The following URI1 variants were observed in gnomAD, a reference collection of about 807,000 sequenced individuals.
URI1 encodes the protein unconventional prefoldin RPB5 interactor 1.
URI1 carries 39 observed loss-of-function variants against 60.2 expected under a neutral mutation model. That is an observed-to-expected ratio of 0.65 (90% CI 0.50 to 0.85). URI1 has a LOEUF of 0.85. Among genes scored for constraint, URI1 ranks in the 40% least tolerant of loss-of-function variants. The pLI, the probability that URI1 is intolerant of heterozygous loss-of-function variation, is 0.00. For synonymous variants in URI1, 251 were observed against 236.8 expected (o/e 1.06, Z -0.55); for missense variants, 691 against 665.9 (o/e 1.04, Z -0.42).
chr19:29,937,537 G>C (rs544634451), upstream of URI1: 1 of 152,250 alleles, frequency 6.6e-6, no homozygotes, highest in Non-Finnish European at 1.5e-5. Context: ...GCTTGTTGAG[G>C]GTTGCAGCCA....
At chr19:29,998,834 CT>C (rs1366414015) in intron 4 of URI1, among the ~76,000 whole-genome samples, 1 of 151,838 alleles carries the variant, frequency 6.6e-6, no homozygotes, top group Non-Finnish European at 1.5e-5. Context: ...GGGGGAAAGA[CT>C]TTCGCTGTTT....
At chr19:29,924,846 A>AT (rs982151544) in intron 1 of URI1, among the ~76,000 whole-genome samples, 6 of 151,860 alleles carry the variant, frequency 4.0e-5, no homozygotes, top group Non-Finnish European at 8.8e-5. Flanking sequence ...TTAATTTTTA[A>AT]TTTTTTTTAG....
At chr19:29,982,394 T>G (rs989391435) in intron 2 of URI1, among the ~76,000 whole-genome samples, 1 of 128,888 alleles carries the variant, frequency 7.8e-6, no homozygotes, top group Non-Finnish European at 1.6e-5. Context: ...AAATAGATGT[T>G]TTTTGTGAGG....
At chr19:29,930,263 G>A (rs1021821804) in intron 1 of URI1, among the ~76,000 whole-genome samples, 4 of 152,060 alleles carry the variant, frequency 2.6e-5, no homozygotes, top group Non-Finnish European at 5.9e-5. Context: ...ATGCATAAAA[G>A]TTTTTAATTT....
At chr19:29,960,056 T>G (rs936912079) in intron 1 of URI1, among the ~76,000 whole-genome samples, 1 of 152,194 alleles carries the variant, frequency 6.6e-6, no homozygotes, top group African/African-American at 2.4e-5. Context: ...GTTTCTAATT[T>G]CTATTGTGAT....
chr19:29,963,460 T>C (rs1443895801), intron 1 of URI1, among the ~76,000 whole-genome samples: 1 of 152,206 alleles, frequency 6.6e-6, no homozygotes, highest in Non-Finnish European at 1.5e-5. Context: ...ATTTCAGTTC[T>C]CTAGTGAAAA....
intron 1 of URI1, among the ~76,000 whole-genome samples, chr19:29,935,135 A>G (rs1263013957): frequency 6.6e-6 from 1 of 152,136 alleles, no homozygotes; most frequent in Non-Finnish European, 1.5e-5. Context: ...AATAGATTTT[A>G]GTGTATCATT....
At chr19:29,925,025 G>A (rs1044932095) in intron 1 of URI1, among the ~76,000 whole-genome samples, 3 of 152,026 alleles carry the variant, frequency 2.0e-5, no homozygotes, top group South Asian at 2.1e-4. Context: ...TGGTAGAGAC[G>A]GGGTTTCACC....
chr19:29,948,086 A>G (rs2055124677), intron 1 of URI1, among the ~76,000 whole-genome samples: 1 of 152,212 alleles, frequency 6.6e-6, no homozygotes, highest in Non-Finnish European at 1.5e-5. Context: ...GTGACTGTGT[A>G]AGTAGATCAG....
intron 1 of URI1, among the ~76,000 whole-genome samples, chr19:29,966,431 C>T (rs964787767): frequency 6.6e-6 from 1 of 152,152 alleles, no homozygotes; most frequent in African/African-American, 2.4e-5. Context: ...CCACTCTGCT[C>T]AGGCTATGGT....
chr19:30,008,902 TTA>T, intron 7 of URI1, 101 bp from the exon 8 acceptor site: 1 of 910,572 alleles, frequency 1.1e-6, no homozygotes, highest in South Asian at 2.3e-5. Context: ...TAAAAATACT[TTA>T]TTCAAGATCT....
intron 7 of URI1, among the ~76,000 whole-genome samples, chr19:30,008,782 A>G (rs1047249845): frequency 6.6e-6 from 1 of 152,272 alleles, no homozygotes; most frequent in Non-Finnish European, 1.5e-5. Context: ...ATTATCTTCT[A>G]TATTCTACTT....
At chr19:30,002,216 A>G (rs570997962) in intron 4 of URI1, among the ~76,000 whole-genome samples, 52 of 152,148 alleles carry the variant, frequency 3.4e-4, no homozygotes, top group African/African-American at 1.2e-3. Flanking sequence ...TTTTTATTAC[A>G]TCTGCATTTC....
At chr19:30,007,972 A>AT (rs1478843026) in intron 7 of URI1, among the ~76,000 whole-genome samples, 1 of 152,094 alleles carries the variant, frequency 6.6e-6, no homozygotes, top group African/African-American at 2.4e-5. Context: ...ATAATGTTAA[A>AT]TTTTAAATGA....
At chr19:29,958,708 C>T (rs532269446) in intron 1 of URI1, among the ~76,000 whole-genome samples, 2 of 151,318 alleles carry the variant, frequency 1.3e-5, no homozygotes, top group South Asian at 4.2e-4. Context: ...ACCTGTAATC[C>T]CAGCACTTTG....
At chr19:29,960,521 T>C (rs2055309248) in intron 1 of URI1, among the ~76,000 whole-genome samples, 1 of 152,196 alleles carries the variant, frequency 6.6e-6, no homozygotes, top group Admixed American at 6.5e-5. Flanking sequence ...TTCTGAGATA[T>C]TTTTATCTCT....
At chr19:29,987,545 A>G (rs2055687558) in intron 4 of URI1, among the ~76,000 whole-genome samples, 1 of 152,224 alleles carries the variant, frequency 6.6e-6, no homozygotes, top group Non-Finnish European at 1.5e-5. Flanking sequence ...GAGAATGGGC[A>G]TACTTTTTTC....
intron 2 of URI1, among the ~76,000 whole-genome samples, chr19:29,977,112 G>A (rs964188757): frequency 6.6e-6 from 1 of 151,652 alleles, no homozygotes; most frequent in Non-Finnish European, 1.5e-5. Flanking sequence ...AAAATCTCAG[G>A]TGAAGATTTG....
intron 4 of URI1, among the ~76,000 whole-genome samples, chr19:30,003,993 T>C (rs905732355): frequency 1.3e-5 from 2 of 152,050 alleles, no homozygotes; most frequent in African/African-American, 2.4e-5. Context: ...TATGCTGTTA[T>C]GTGACCATGC....
Sources: allele counts gnomAD v4.1 joint callset (sites outside exome capture counted in the v4.1 genomes callset), GRCh38; gene constraint gnomAD v4.1.1; transcripts MANE v1.5; gene names NCBI Gene and HGNC (gene_info 2026-07-23, HGNC 2026-07-21).